The following DPP10 variants were observed in gnomAD, a reference collection of about 807,000 sequenced individuals.
The protein encoded by DPP10 is dipeptidyl peptidase like 10, also known as inactive dipeptidyl peptidase 10.
Under a neutral mutation model 120.9 loss-of-function variants are expected in DPP10, and 33 were observed. That is an observed-to-expected ratio of 0.27 (90% CI 0.21 to 0.37). The LOEUF is 0.37. DPP10 is among the 10% of genes least tolerant of loss of function. DPP10 has a pLI of 1.00. For missense variants in DPP10, 816 were observed against 942.8 expected, an observed-to-expected ratio of 0.87 and a Z score of 1.76; for synonymous variants, 337 against 326.1, an observed-to-expected ratio of 1.03 and a Z score of -0.36.
At chr2:115,054,664 C>T (rs1379610850) in intron 1 of DPP10, among the ~76,000 whole-genome samples, 1 of 152,106 alleles carries the variant, frequency 6.6e-6, no homozygotes, top group Non-Finnish European at 1.5e-5. Context: ...TAGAATCCCA[C>T]CACTTAGGGA....
chr2:115,514,739 C>T (rs771733452), intron 4 of DPP10, among the ~76,000 whole-genome samples: 3 of 151,622 alleles, frequency 2.0e-5, no homozygotes, highest in East Asian at 1.9e-4. Context: ...CATTGTACAT[C>T]GTAGAGATAA....
At chr2:114,848,562 C>T (rs992250495) in intron 1 of DPP10, among the ~76,000 whole-genome samples, 1 of 152,136 alleles carries the variant, frequency 6.6e-6, no homozygotes, top group Non-Finnish European at 1.5e-5. Flanking sequence ...TGATATTTCA[C>T]ATTTTTGAGA....
chr2:115,586,062 C>T (rs112063360), intron 5 of DPP10, among the ~76,000 whole-genome samples: 2,738 of 152,170 alleles, frequency 0.018, 89 homozygotes, highest in African/African-American at 0.062. Context: ...GTGGCTCACG[C>T]CTGTAATCCC....
intron 3 of DPP10, among the ~76,000 whole-genome samples, chr2:115,384,523 GGAA>G (rs1432677750): frequency 1.2e-4 from 17 of 136,330 alleles, no homozygotes; most frequent in Middle Eastern, 4.2e-3. Context: ...AGGAAGAAGA[GGAA>G]GAAGAAGAAA....
At chr2:114,901,370 G>T (rs1693553767) in intron 1 of DPP10, among the ~76,000 whole-genome samples, 1 of 151,986 alleles carries the variant, frequency 6.6e-6, no homozygotes, top group African/African-American at 2.4e-5. Context: ...GCTAATTTTT[G>T]TATTTTTAAT....
intron 1 of DPP10, among the ~76,000 whole-genome samples, chr2:115,052,951 C>CCA (rs371220443): frequency 8.2e-6 from 1 of 122,022 alleles, no homozygotes; most frequent in East Asian, 2.3e-4. Flanking sequence ...GACTCCATCT[C>CCA]AAAAAAAAAA....
intron 1 of DPP10, among the ~76,000 whole-genome samples, chr2:114,581,639 G>A (rs1188149078): frequency 6.6e-6 from 1 of 152,076 alleles, no homozygotes; most frequent in Non-Finnish European, 1.5e-5. Flanking sequence ...TACTCTTTGG[G>A]ATCTCCTTTG....
intron 1 of DPP10, among the ~76,000 whole-genome samples, chr2:115,025,406 A>T (rs906761617): frequency 2.6e-5 from 4 of 152,124 alleles, no homozygotes; most frequent in African/African-American, 9.7e-5. Flanking sequence ...TCATCCATTG[A>T]TGGACACTTA....
At chr2:114,634,961 T>C (rs149531732) in intron 1 of DPP10, among the ~76,000 whole-genome samples, 1 of 152,048 alleles carries the variant, frequency 6.6e-6, no homozygotes, top group Non-Finnish European at 1.5e-5. Flanking sequence ...TTCAAAAATG[T>C]TAAAATAATC....
At chr2:115,348,348 G>A (rs2063814830) in intron 3 of DPP10, among the ~76,000 whole-genome samples, 1 of 152,066 alleles carries the variant, frequency 6.6e-6, no homozygotes, top group African/African-American at 2.4e-5. Flanking sequence ...AGTGAACAAA[G>A]TAACTTCAAA....
At chr2:115,327,945 A>C (rs1423883446) in intron 2 of DPP10, among the ~76,000 whole-genome samples, 2 of 152,038 alleles carry the variant, frequency 1.3e-5, no homozygotes, top group African/African-American at 4.8e-5. Context: ...CTTTTGTATC[A>C]CAAGTGAAAA....
intron 3 of DPP10, among the ~76,000 whole-genome samples, chr2:115,362,962 C>A (rs2064872237): frequency 6.6e-6 from 1 of 152,116 alleles, no homozygotes; most frequent in South Asian, 2.1e-4. Flanking sequence ...CCTTGGTATC[C>A]TCTTTTGTGC....
At chr2:114,487,268 A>G (rs1386743548) in intron 1 of DPP10, among the ~76,000 whole-genome samples, 1 of 152,192 alleles carries the variant, frequency 6.6e-6, no homozygotes, top group Non-Finnish European at 1.5e-5. Context: ...ATACCTTTGC[A>G]TGCAAATAAA....
chr2:114,642,539 G>A (rs1292020741), intron 1 of DPP10, among the ~76,000 whole-genome samples: 2 of 151,916 alleles, frequency 1.3e-5, no homozygotes, highest in Non-Finnish European at 2.9e-5. Flanking sequence ...TCTCCCAGGA[G>A]GTTGCAGTGC....
chr2:114,627,617 A>AG (rs2105358524), intron 1 of DPP10, among the ~76,000 whole-genome samples: 1 of 152,056 alleles, frequency 6.6e-6, no homozygotes, highest in Admixed American at 6.6e-5. Flanking sequence ...TTTTTTAGGT[A>AG]GGGGGAGGGA....
chr2:114,533,833 C>T (rs1419549880), intron 1 of DPP10, among the ~76,000 whole-genome samples: 1 of 152,176 alleles, frequency 6.6e-6, no homozygotes, highest in African/African-American at 2.4e-5. Context: ...TCCCAATCCT[C>T]AATTCCTTAT....
chr2:115,386,381 C>G (rs999919149), intron 3 of DPP10, among the ~76,000 whole-genome samples: 1 of 152,060 alleles, frequency 6.6e-6, no homozygotes, highest in Admixed American at 6.6e-5. Context: ...ATCACTCTTA[C>G]CTGTGAGAGC....
At chr2:114,699,064 G>A (rs184932631) in intron 1 of DPP10, among the ~76,000 whole-genome samples, 1 of 152,146 alleles carries the variant, frequency 6.6e-6, no homozygotes, top group East Asian at 1.9e-4. Flanking sequence ...CTTCAAACCT[G>A]TTGTTCTATT....
At chr2:115,357,368 A>G (rs2064461303) in intron 3 of DPP10, among the ~76,000 whole-genome samples, 1 of 152,232 alleles carries the variant, frequency 6.6e-6, no homozygotes, top group African/African-American at 2.4e-5. Flanking sequence ...CAGGCCCCAT[A>G]CAAGTCCGAA....
Sources: allele counts gnomAD v4.1 joint callset (sites outside exome capture counted in the v4.1 genomes callset), GRCh38; gene constraint gnomAD v4.1.1; transcripts MANE v1.5; gene names NCBI Gene and HGNC (gene_info 2026-07-23, HGNC 2026-07-21).